Variants in UTRN observed in about 807,000 individuals in gnomAD.
The protein encoded by UTRN is dystrophin-related protein 1.
Under a neutral mutation model 463.9 loss-of-function variants are expected in UTRN, and 283 were observed. The ratio of observed to expected loss-of-function variants is 0.61; its 90% CI spans 0.55 to 0.67. The LOEUF is 0.67. Ranked by LOEUF, UTRN falls within the 30% of genes least tolerant of loss-of-function variation. The probability of loss-of-function intolerance (pLI) is 0.00; values close to 1 mark genes in which losing one functional copy is unlikely to be tolerated. For synonymous variants in UTRN, 1,442 were observed against 1,431.5 expected (o/e 1.01, Z -0.17); for missense variants, 3,922 against 4,084.3 (o/e 0.96, Z 1.08).
intron 51 of UTRN, among the ~76,000 whole-genome samples, chr6:144,674,893 T>C (rs1481645357): frequency 6.6e-6 from 1 of 152,224 alleles, no homozygotes; most frequent in Non-Finnish European, 1.5e-5. Context: ...TTTTTACCTT[T>C]CTCTGGTGCC....
At chr6:144,765,643 T>G (rs1793216865) in intron 58 of UTRN, among the ~76,000 whole-genome samples, 1 of 152,198 alleles carries the variant, frequency 6.6e-6, no homozygotes, top group African/African-American at 2.4e-5. Flanking sequence ...ACTCCTGACC[T>G]GAAGCAGTCC....
chr6:144,785,050 G>T (rs941940098), intron 61 of UTRN, among the ~76,000 whole-genome samples: 1 of 152,164 alleles, frequency 6.6e-6, no homozygotes, highest in South Asian at 2.1e-4. Flanking sequence ...TAACAACCAT[G>T]ATTTATTTAT....
chr6:144,570,825 C>T (rs1287939230), intron 50 of UTRN, among the ~76,000 whole-genome samples: 1 of 152,156 alleles, frequency 6.6e-6, no homozygotes, highest in African/African-American at 2.4e-5. Context: ...CCCTCGTAGC[C>T]TTGTCCTTTA....
chr6:144,439,742 A>G lies in UTRN; in HGVS notation c.1393-610A>G, dbSNP rs186551923. On this transcript the variant is annotated intron_variant, in intron 12 of 74. Transcript: ENST00000367545. ...GGTCTTGAACTCCTGACCTCAAGTGATCCGCCTGCCTTGGGTTCCCAAAGT... is the reference window on the plus strand; with the variant it reads ...GGTCTTGAACTCCTGACCTCAAGTGGTCCGCCTGCCTTGGGTTCCCAAAGT... Among the ~76,000 whole-genome samples the G allele has an allele frequency of 3.1e-3, 475 of 152,276 alleles. 3 individuals carry two copies. Among genetic ancestry groups the G allele is most frequent in the African/African-American group, 0.011 (446 of 41,552 alleles).
intron 51 of UTRN, among the ~76,000 whole-genome samples, chr6:144,633,081 A>G (rs912839582): frequency 1.5e-3 from 223 of 152,280 alleles, no homozygotes; most frequent in African/African-American, 5.1e-3. Flanking sequence ...ATAATTTAGT[A>G]TTTTGCCAGT....
chr6:144,599,039 A>T (rs1803958081), intron 51 of UTRN, among the ~76,000 whole-genome samples: 1 of 152,224 alleles, frequency 6.6e-6, no homozygotes, highest in South Asian at 2.1e-4. Context: ...GCTCTTGATT[A>T]ACCTCCCTCG....
chr6:144,794,930 G>C (rs986572966), intron 63 of UTRN, among the ~76,000 whole-genome samples: 18 of 152,106 alleles, frequency 1.2e-4, no homozygotes, highest in Admixed American at 9.8e-4. Context: ...GTGCAGGTTT[G>C]TTACATAGGT....
At chr6:144,714,901 C>T (rs1011485393) in intron 53 of UTRN, among the ~76,000 whole-genome samples, 40 of 151,528 alleles carry the variant, frequency 2.6e-4, no homozygotes, top group African/African-American at 8.3e-4. Context: ...TCTAGAACAC[C>T]GCACTCTCCT....
At chr6:144,466,696 C>T (rs1789995992) in intron 23 of UTRN, among the ~76,000 whole-genome samples, 1 of 152,102 alleles carries the variant, frequency 6.6e-6, no homozygotes, top group Non-Finnish European at 1.5e-5. Context: ...TAAGAGGCTG[C>T]TTATATATCT....
chr6:144,556,806 C>T (rs764281486), intron 49 of UTRN, among the ~76,000 whole-genome samples: 1 of 152,180 alleles, frequency 6.6e-6, no homozygotes, highest in Non-Finnish European at 1.5e-5. Flanking sequence ...CAGGAACTGT[C>T]TCTGTATTCA....
intron 54 of UTRN, among the ~76,000 whole-genome samples, chr6:144,738,336 G>C (rs1268738106): frequency 1.3e-5 from 2 of 152,184 alleles, no homozygotes; most frequent in African/African-American, 4.8e-5. Context: ...CTGCTGCACA[G>C]TGAAGCTGTG....
chr6:144,537,321 C>G (rs1369035450), intron 43 of UTRN, among the ~76,000 whole-genome samples: 1 of 151,816 alleles, frequency 6.6e-6, no homozygotes, highest in Non-Finnish European at 1.5e-5. Context: ...TTCTACATAA[C>G]TTTTTATGAT....
At position 144,730,410 on chromosome 6, in the gene UTRN, C is replaced by T; in HGVS notation, c.7863C>T (p.Asp2621=). The part of the protein sequence containing the change: ...EKEYSVLNAV[D]QARVFLADQP... Reference sequence around the variant, plus strand: ...AATATTCTGTCCTGAATGCTGTCGACCAGGCCCGAGTTTTCTTGGCTGATC... The same window carrying T: ...AATATTCTGTCCTGAATGCTGTCGATCAGGCCCGAGTTTTCTTGGCTGATC... The change falls in exon 54 of 75, where the codon GAC becomes GAT. Residue 2621 remains aspartate (D), a synonymous_variant. Transcript: ENST00000367545. The T allele has an allele frequency of 6.2e-7, 1 of 1,612,180 alleles. No homozygotes were observed. The highest frequency in any genetic ancestry group is 2.2e-5 in the East Asian group (1 of 44,688).
In UTRN at chr6:144,835,889, G is replaced by A. The variant is rs539514860; in HGVS notation, c.9775G>A (p.Glu3259Lys). 1.2e-6 allele frequency: 2 copies of A among 1,614,152 alleles called. No individual in the cohort carries two copies. The highest frequency in any genetic ancestry group is 1.1e-5 in the South Asian group (1 of 91,082). ...AQILKSVERE[E>K]RGELERIIAD... ...GATCCTGAAGTCAGTAGAGAGGGAA[G>A]AACGTGGAGAACTGGAGAGGATCAT... Residue 3259 changes from glutamate to lysine, a missense_variant, in exon 70 of 75, where the codon GAA (glutamate) becomes AAA (lysine). By Grantham distance (56) the Glu-to-Lys change is moderately conservative (BLOSUM62 1). Coordinates refer to ENST00000367545, the MANE Select transcript of UTRN (RefSeq NM_007124.3).
rs1263824691 is a variant in UTRN, at chr6:144,498,723, C to A, written c.4594-534C>A. ...AGGCTGGAGTGCAGTGGCAGGATCA[C>A]GGCTCACTGCAGCCCCAGCCTCCAG... is the stretch of plus-strand genomic sequence containing the variant. On this transcript the variant is annotated intron_variant, in intron 33 of 74. Transcript: ENST00000367545. Among the ~76,000 whole-genome samples the A allele has an allele frequency of 2.0e-5, 3 of 151,788 alleles. 1 individual carries two copies. The highest frequency in any genetic ancestry group is 1.3e-4 in the Admixed American group (2 of 15,254).
At chr6:144,817,942 G>A (rs1779228725) in intron 65 of UTRN, among the ~76,000 whole-genome samples, 1 of 152,148 alleles carries the variant, frequency 6.6e-6, no homozygotes, top group Admixed American at 6.6e-5. Flanking sequence ...TTTGGGGACA[G>A]CAAGTAGTTG....
chr6:144,655,677 C>T (rs1779248351), intron 51 of UTRN, among the ~76,000 whole-genome samples: 1 of 151,998 alleles, frequency 6.6e-6, no homozygotes, highest in Non-Finnish European at 1.5e-5. Context: ...TAAAGAGAAA[C>T]CTGTTAGAAT....
intron 51 of UTRN, among the ~76,000 whole-genome samples, chr6:144,661,990 TTTA>T (rs531994972): frequency 1.3e-5 from 2 of 151,438 alleles, no homozygotes; most frequent in African/African-American, 2.4e-5. Flanking sequence ...ATTTGGGATT[TTTA>T]TTATTATTAT....
In UTRN at chr6:144,448,688, C is replaced by T; in HGVS notation, c.1991C>T (p.Thr664Ile). 2 of 1,613,750 alleles carry T rather than the reference C, an allele frequency of 1.2e-6. No individual in the cohort carries two copies. Among genetic ancestry groups the T allele is most frequent in the South Asian group, 1.1e-5 (1 of 91,066 alleles). The change falls in exon 17 of 75, where the codon ACA becomes ATA. Residue 664 changes from threonine to isoleucine, a missense_variant. By Grantham distance (89) the Thr-to-Ile change is moderately conservative. Coordinates refer to ENST00000367545, the MANE Select transcript of UTRN (RefSeq NM_007124.3). ...ETVRVREQAI[T>I]KKSKQELPPP... ...GTTCGTGTAAGAGAACAAGCAATTA[C>T]AAAAAAATCTAAGCAGGAACTGCCT...
Sources: allele counts gnomAD v4.1 joint callset (sites outside exome capture counted in the v4.1 genomes callset), GRCh38; gene constraint gnomAD v4.1.1; transcripts MANE v1.5; gene names NCBI Gene and HGNC (gene_info 2026-07-23, HGNC 2026-07-21).